The following MIR2052HG variants were observed in gnomAD, a reference collection of about 807,000 sequenced individuals.
MIR2052HG encodes MIR2052 host gene.
intron 2 of MIR2052HG, among the ~76,000 whole-genome samples, chr8:74,673,887 G>GTATATATATATATATATATATATATATA (rs61228134): frequency 3.0e-4 from 37 of 121,638 alleles, no homozygotes; most frequent in African/African-American, 1.3e-3. Flanking sequence ...GTATTTTTTT[G>GTATATATATATATATATATATATATATA]TATATATATA....
chr8:74,713,094 A>G (rs1199267823), intron 4 of MIR2052HG, among the ~76,000 whole-genome samples: 2 of 152,178 alleles, frequency 1.3e-5, no homozygotes, highest in Non-Finnish European at 2.9e-5. Context: ...GATGTTAGTC[A>G]ATGTTAATAC....
At chr8:74,728,458 A>G (rs1459194911) in intron 4 of MIR2052HG, among the ~76,000 whole-genome samples, 1 of 152,198 alleles carries the variant, frequency 6.6e-6, no homozygotes, top group African/African-American at 2.4e-5. Context: ...CTAGTCATTT[A>G]GCATCTATGT....
chr8:74,627,406 A>G (rs4301426), intron 2 of MIR2052HG, among the ~76,000 whole-genome samples: 2 of 152,290 alleles, frequency 1.3e-5, no homozygotes, highest in African/African-American at 2.4e-5. Flanking sequence ...ATTCTACCAA[A>G]CCCAAATCAT....
intron 4 of MIR2052HG, among the ~76,000 whole-genome samples, chr8:74,748,582 A>G (rs1399026153): frequency 6.6e-6 from 1 of 152,222 alleles, no homozygotes. Context: ...TAAGAACCAT[A>G]TAACAAGGTG....
rs370308492 is a variant in MIR2052HG, at chr8:74,666,621, T to C, written n.217-35758T>C. 2.6e-5 allele frequency among the ~76,000 whole-genome samples: 4 copies of C among 152,290 alleles called. No homozygotes were observed. The East Asian group carries it at 7.7e-4, about 29-fold the overall frequency. On this transcript the variant is annotated intron_variant and non_coding_transcript_variant, in intron 2 of 6. Transcript: ENST00000523442. ...GGCTGAATGAATGTCTTGTAGACCTTTGGAGAATGCATCTTTAAGTAAATG... is the reference window on the plus strand; with the variant it reads ...GGCTGAATGAATGTCTTGTAGACCTCTGGAGAATGCATCTTTAAGTAAATG...
At chr8:74,634,580 A>T (rs1808558080) in intron 2 of MIR2052HG, among the ~76,000 whole-genome samples, 1 of 152,124 alleles carries the variant, frequency 6.6e-6, no homozygotes, top group African/African-American at 2.4e-5. Flanking sequence ...ATATTTACTC[A>T]GTGCTTAATC....
At chr8:74,675,897 C>G (rs141694791) in intron 2 of MIR2052HG, among the ~76,000 whole-genome samples, 1 of 151,882 alleles carries the variant, frequency 6.6e-6, no homozygotes, top group African/African-American at 2.4e-5. Flanking sequence ...TAGTATCGGT[C>G]CGATAAATCT....
At chr8:74,744,338 A>G (rs925130061) in intron 4 of MIR2052HG, among the ~76,000 whole-genome samples, 9 of 150,892 alleles carry the variant, frequency 6.0e-5, no homozygotes, top group Admixed American at 6.0e-4. Flanking sequence ...TTTATTTATT[A>G]TTATACTTTA....
At chr8:74,634,270 G>A (rs569604076) in intron 2 of MIR2052HG, among the ~76,000 whole-genome samples, 3 of 152,154 alleles carry the variant, frequency 2.0e-5, no homozygotes, top group Non-Finnish European at 4.4e-5. Flanking sequence ...CCAGTTCCCA[G>A]AATTAGAAAG....
rs150711087 is a variant in MIR2052HG at position 74,637,248 on chromosome 8, G to A, written n.216+24308G>A. On this transcript the variant is annotated intron_variant and non_coding_transcript_variant, in intron 2 of 6. Coordinates refer to ENST00000523442, the Ensembl canonical transcript of MIR2052HG. ...CTACATGTCAGAATCCATGGGCTCCGTAGACCCAAGTGGCTGGGACTTAGG... is the reference window on the plus strand; with the variant it reads ...CTACATGTCAGAATCCATGGGCTCCATAGACCCAAGTGGCTGGGACTTAGG... 4.1e-4 allele frequency among the ~76,000 whole-genome samples: 62 copies of A among 152,218 alleles called. 1 individual carries two copies. The East Asian group carries it at 0.01, about 25-fold the overall frequency.
intron 2 of MIR2052HG, among the ~76,000 whole-genome samples, chr8:74,623,861 G>A (rs1041093541): frequency 6.6e-6 from 1 of 152,138 alleles, no homozygotes; most frequent in Non-Finnish European, 1.5e-5. Flanking sequence ...ACATTGATTA[G>A]GCCAGTGAAA....
At chr8:74,635,537 T>G (rs1346869608) in intron 2 of MIR2052HG, among the ~76,000 whole-genome samples, 2 of 152,160 alleles carry the variant, frequency 1.3e-5, no homozygotes, top group African/African-American at 4.8e-5. Context: ...CACAATTTGT[T>G]CCACTTGGCT....
chr8:74,656,491 T>C (rs1190079187), intron 2 of MIR2052HG, among the ~76,000 whole-genome samples: 1 of 152,182 alleles, frequency 6.6e-6, no homozygotes, highest in African/African-American at 2.4e-5. Flanking sequence ...GGGTTTATCA[T>C]GGGTTTCCTC....
rs1809924341 is a variant in MIR2052HG, at chr8:74,749,672, A to G, written n.372-2769A>G. Among the ~76,000 whole-genome samples, 3 of 151,774 alleles carry G rather than the reference A, an allele frequency of 2.0e-5. No individual in the cohort carries two copies. In the South Asian group the frequency reaches 6.3e-4, roughly 32 times the overall value. Reference sequence around the variant, plus strand: ...GAGACCAGCCTGACCAACATGGTGAAACCCTGCCTCCACTAAAAATACAAA... The same window carrying G: ...GAGACCAGCCTGACCAACATGGTGAGACCCTGCCTCCACTAAAAATACAAA... On this transcript the variant is annotated intron_variant and non_coding_transcript_variant, in intron 4 of 6. Coordinates refer to ENST00000523442, the Ensembl canonical transcript of MIR2052HG.
chr8:74,721,783 A>G (rs1809580425), intron 4 of MIR2052HG, among the ~76,000 whole-genome samples: 1 of 152,214 alleles, frequency 6.6e-6, no homozygotes, highest in African/African-American at 2.4e-5. Context: ...AGGGGAGGGA[A>G]TTAGACTTCA....
At chr8:74,614,773 C>T (rs1180692995) in intron 2 of MIR2052HG, among the ~76,000 whole-genome samples, 1 of 151,692 alleles carries the variant, frequency 6.6e-6, no homozygotes, top group Non-Finnish European at 1.5e-5. Flanking sequence ...TTCAGACCAA[C>T]TTTTTGCTCT....
rs201931346 is a variant in MIR2052HG at position 74,735,781 on chromosome 8, C to T, written n.372-16660C>T. 2.6e-5 allele frequency among the ~76,000 whole-genome samples: 4 copies of T among 152,240 alleles called. No homozygotes were observed. The East Asian group carries it at 7.7e-4, about 29-fold the overall frequency. On this transcript the variant is annotated intron_variant and non_coding_transcript_variant, in intron 4 of 6. Transcript: ENST00000523442. ...AATTATTTGGCCAGGACTCAAATGA[C>T]TGATGTTGTCTCTAAATTGTGCTTG... is the stretch of plus-strand genomic sequence containing the variant.
intron 2 of MIR2052HG, among the ~76,000 whole-genome samples, chr8:74,680,057 G>C (rs1000270824): frequency 6.6e-6 from 1 of 152,132 alleles, no homozygotes; most frequent in African/African-American, 2.4e-5. Flanking sequence ...AAACCCAAAT[G>C]AATCTGCAGA....
At chr8:74,756,144 T>C (rs1809998184) in intron 5 of MIR2052HG, among the ~76,000 whole-genome samples, 1 of 152,176 alleles carries the variant, frequency 6.6e-6, no homozygotes, top group Non-Finnish European at 1.5e-5. Flanking sequence ...AGTACTATAA[T>C]TAGAATTATA....
Sources: allele counts gnomAD v4.1 joint callset (sites outside exome capture counted in the v4.1 genomes callset), GRCh38; gene constraint gnomAD v4.1.1; transcripts MANE v1.5; gene names NCBI Gene and HGNC (gene_info 2026-07-23, HGNC 2026-07-21).